PIBF1: variants seen among roughly 807,000 people sequenced by gnomAD.
The protein encoded by PIBF1 is progesterone immunomodulatory binding factor 1, also known as progesterone-induced-blocking factor 1.
PIBF1 carries 90 observed loss-of-function variants against 112.5 expected under a neutral mutation model. That is an observed-to-expected ratio of 0.80 (90% CI 0.67 to 0.95). PIBF1 has a LOEUF of 0.95. PIBF1 is among the 40% of genes least tolerant of loss of function. PIBF1 has a pLI of 0.00. For missense variants in PIBF1, 915 were observed against 852.3 expected (o/e 1.07, Z -0.92); for synonymous variants, 301 against 288.6 (o/e 1.04, Z -0.44).
At chr13:72,952,512 G>T (rs552312976) in intron 14 of PIBF1, among the ~76,000 whole-genome samples, 93 of 151,488 alleles carry the variant, frequency 6.1e-4, no homozygotes, top group Non-Finnish European at 1.0e-3. Flanking sequence ...GATCTTTTGG[G>T]GGTGTTATAT....
intron 17 of PIBF1, among the ~76,000 whole-genome samples, chr13:73,010,944 A>C (rs1594366080): frequency 1.4e-5 from 2 of 146,274 alleles, no homozygotes; most frequent in African/African-American, 5.0e-5. Context: ...CTCCTGCCTC[A>C]GCCTCCCAAG....
At chr13:72,875,422 A>G (rs1358009114) in intron 10 of PIBF1, among the ~76,000 whole-genome samples, 5 of 152,146 alleles carry the variant, frequency 3.3e-5, no homozygotes, top group Admixed American at 2.0e-4. Flanking sequence ...ATATGCAAAG[A>G]GTGTGATCTT....
intron 5 of PIBF1, among the ~76,000 whole-genome samples, chr13:72,818,521 C>G (rs1245150645): frequency 6.6e-6 from 1 of 152,122 alleles, no homozygotes; most frequent in Non-Finnish European, 1.5e-5. Context: ...AATTCACTTT[C>G]ATCCACTAAA....
Position 72,860,308 on chromosome 13 carries a change from G to GGTGT in PIBF1, c.1322+6195_1322+6198dup, listed in dbSNP as rs3219561. On this transcript the variant is annotated intron_variant, in intron 10 of 17. Transcript: ENST00000326291. ...TTCGCTTTCCCTGTGTTTTTTTAGG[G>GGTGT]GTGTGTGTGTGTGTGTGTGTGTGTG... Among the ~76,000 whole-genome samples, 478 of 143,232 alleles carry GGTGT rather than the reference G, an allele frequency of 3.3e-3. 1 individual carries two copies. The highest frequency in any genetic ancestry group is 6.7e-3 in the South Asian group (29 of 4,300). 94.0% of individuals were successfully genotyped at this position (143,232 alleles called of 152,430 possible). A position where few individuals can be genotyped will look rare whatever the true frequency, so the allele number is the denominator to read the frequency against.
intron 9 of PIBF1, among the ~76,000 whole-genome samples, chr13:72,845,809 AGT>A (rs1333044010): frequency 6.6e-6 from 1 of 152,160 alleles, no homozygotes; most frequent in African/African-American, 2.4e-5. Context: ...TCTTTTGAGA[AGT>A]GTGTGTTCAT....
chr13:72,916,953 A>G (rs1295186885), intron 12 of PIBF1, 123 bp from the exon 13 acceptor site: 4 of 510,288 alleles, frequency 7.8e-6, no homozygotes, highest in African/African-American at 2.0e-5. Context: ...AAGATTACAT[A>G]TTAGCCCTTT....
chr13:72,939,595 G>C (rs141861029), intron 14 of PIBF1, among the ~76,000 whole-genome samples: 1 of 152,068 alleles, frequency 6.6e-6, no homozygotes, highest in Non-Finnish European at 1.5e-5. Context: ...ATATTCTGTT[G>C]TGTATATTTA....
intron 5 of PIBF1, among the ~76,000 whole-genome samples, chr13:72,798,846 C>G (rs958007609): frequency 5.9e-5 from 9 of 152,206 alleles, no homozygotes; most frequent in African/African-American, 1.9e-4. Flanking sequence ...TTCTTCATTA[C>G]AAGTTAGCCT....
intron 11 of PIBF1, among the ~76,000 whole-genome samples, chr13:72,896,782 C>T (rs1333570650): frequency 6.6e-6 from 1 of 152,052 alleles, no homozygotes; most frequent in African/African-American, 2.4e-5. Context: ...ACTAAAGCCT[C>T]CAAGAAATTT....
intron 10 of PIBF1, among the ~76,000 whole-genome samples, chr13:72,874,184 A>G (rs2039294939): frequency 6.6e-6 from 1 of 152,204 alleles, no homozygotes; most frequent in Non-Finnish European, 1.5e-5. Flanking sequence ...TGTGTCAAAC[A>G]GTTTGACAGT....
At chr13:72,925,408 G>C (rs2041445042) in intron 13 of PIBF1, among the ~76,000 whole-genome samples, 1 of 151,916 alleles carries the variant, frequency 6.6e-6, no homozygotes, top group Non-Finnish European at 1.5e-5. Context: ...TTTGTACCAG[G>C]TATTTATTGT....
At chr13:72,869,692 C>T (rs969196270) in intron 10 of PIBF1, among the ~76,000 whole-genome samples, 14 of 151,652 alleles carry the variant, frequency 9.2e-5, no homozygotes, top group Non-Finnish European at 1.6e-4. Context: ...TAGCTCTGAT[C>T]GCCTCTCTTT....
intron 13 of PIBF1, among the ~76,000 whole-genome samples, chr13:72,926,990 G>C (rs539887106): frequency 6.6e-6 from 1 of 152,008 alleles, no homozygotes; most frequent in African/African-American, 2.4e-5. Flanking sequence ...ATGAATTAAT[G>C]AGTGTGTTTC....
intron 9 of PIBF1, among the ~76,000 whole-genome samples, chr13:72,844,020 G>A (rs928273711): frequency 2.0e-5 from 3 of 152,110 alleles, no homozygotes; most frequent in African/African-American, 7.2e-5. Context: ...TATTTAGGTA[G>A]CATAGTAAGC....
intron 9 of PIBF1, among the ~76,000 whole-genome samples, chr13:72,838,325 A>G (rs1215286418): frequency 1.3e-5 from 2 of 152,192 alleles, no homozygotes; most frequent in Non-Finnish European, 2.9e-5. Flanking sequence ...AGATGAGACC[A>G]CCTGTGTATC....
intron 5 of PIBF1, among the ~76,000 whole-genome samples, chr13:72,801,140 G>T (rs2035450394): frequency 6.6e-6 from 1 of 152,182 alleles, no homozygotes; most frequent in African/African-American, 2.4e-5. Flanking sequence ...TAATGAGTCT[G>T]TTGAGGTCAT....
chr13:72,784,000 G>A (rs892294490), intron 2 of PIBF1, among the ~76,000 whole-genome samples: 1 of 151,326 alleles, frequency 6.6e-6, no homozygotes. Context: ...AGATCTATTG[G>A]ACAGCATGGT....
intron 2 of PIBF1, among the ~76,000 whole-genome samples, chr13:72,784,236 A>C (rs1434288734): frequency 6.6e-6 from 1 of 150,674 alleles, no homozygotes; most frequent in African/African-American, 2.4e-5. Flanking sequence ...CAGGAGTTTG[A>C]GACCAACCTG....
intron 11 of PIBF1, among the ~76,000 whole-genome samples, chr13:72,905,536 G>A (rs2040673699): frequency 6.6e-6 from 1 of 152,076 alleles, no homozygotes; most frequent in African/African-American, 2.4e-5. Flanking sequence ...TGTTTAAAAA[G>A]ACAAGCAAAA....
Sources: allele counts gnomAD v4.1 joint callset (sites outside exome capture counted in the v4.1 genomes callset), GRCh38; gene constraint gnomAD v4.1.1; transcripts MANE v1.5; gene names NCBI Gene and HGNC (gene_info 2026-07-23, HGNC 2026-07-21).